RGMA: variants seen among roughly 807,000 people sequenced by gnomAD.
RGMA encodes repulsive guidance molecule A.
In RGMA, 10 loss-of-function variants were observed where a neutral mutation model predicts 23.2. The ratio of observed to expected loss-of-function variants is 0.43; its 90% confidence interval spans 0.27 to 0.73. RGMA has a LOEUF of 0.73. Among genes scored for constraint, RGMA ranks in the 30% least tolerant of loss-of-function variants. The pLI, the probability that RGMA is intolerant of heterozygous loss-of-function variation, is 0.20. For synonymous variants in RGMA, 308 were observed against 279.3 expected (o/e 1.10, Z -1.03); for missense variants, 547 against 630.5 (o/e 0.87, Z 1.42).
intron 2 of RGMA, among the ~76,000 whole-genome samples, chr15:93,061,716 C>T (rs981572229): frequency 2.0e-5 from 3 of 152,206 alleles, no homozygotes; most frequent in African/African-American, 7.2e-5. Context: ...GCGCTTGGAG[C>T]ACCAGCTGCA....
rs2054739106 is a variant in RGMA, at chr15:93,042,636, A to C, written c.*2362T>G. On this transcript the variant is annotated 3_prime_UTR_variant, in exon 4 of 4. Coordinates refer to ENST00000329082, the MANE Select transcript of RGMA (RefSeq NM_020211.3). ...TTCAGGACAATACTAACCTAGGTGC[A>C]CAGGTTGTCCTTCCCGTTGCTAAGG... 1 of 152,270 alleles carries C rather than the reference A, an allele frequency of 6.6e-6. No homozygotes were observed. Among genetic ancestry groups the C allele is most frequent in the Admixed American group, 6.5e-5 (1 of 15,288 alleles). The allele number at this position is 152,270 out of a possible 1,614,324, so 9.4% of individuals were successfully genotyped here. A position where few individuals can be genotyped will look rare whatever the true frequency, so the allele number is the denominator to read the frequency against.
chr15:93,048,635 C>T (rs2054867044), intron 3 of RGMA, among the ~76,000 whole-genome samples: 1 of 152,162 alleles, frequency 6.6e-6, no homozygotes, highest in Non-Finnish European at 1.5e-5. Context: ...GCCTCTCCAT[C>T]CAGCATGGAG....
At chr15:93,049,334 G>A (rs764758780) in intron 3 of RGMA, among the ~76,000 whole-genome samples, 8 of 152,332 alleles carry the variant, frequency 5.3e-5, no homozygotes, top group Non-Finnish European at 8.8e-5. Context: ...ATCATGCAGA[G>A]GGACAGGCTG....
chr15:93,066,384 C>G, intron 2 of RGMA: 1 of 723,270 alleles, frequency 1.4e-6, no homozygotes, highest in Non-Finnish European at 2.6e-6. Flanking sequence ...GTTCGCGTGA[C>G]TCCAGGTGGG....
intron 2 of RGMA, among the ~76,000 whole-genome samples, chr15:93,054,758 C>A (rs1008533856): frequency 2.6e-5 from 4 of 152,144 alleles, no homozygotes; most frequent in African/African-American, 9.7e-5. Context: ...TGGTGAGATG[C>A]CCCCATGTAG....
In RGMA at chr15:93,038,569, GT is replaced by G. The variant is rs1185571787; in HGVS notation, c.*6428del. ...GCCTTAATGAACGAAACTGTTAGTT[GT>G]TTTTTTTTTTTTTTTGAGACGGTGT... On this transcript the variant is annotated 3_prime_UTR_variant, in exon 4 of 4. Coordinates refer to ENST00000329082, the MANE Select transcript of RGMA (RefSeq NM_020211.3). 10,239 of 100,184 alleles carry G rather than the reference GT, an allele frequency of 0.1. 1,301 individuals carry two copies. Among genetic ancestry groups the G allele is most frequent in the African/African-American group, 0.27 (8,487 of 30,864 alleles). 6.2% of individuals were successfully genotyped at this position (100,184 alleles called of 1,614,324 possible). A position where few individuals can be genotyped will look rare whatever the true frequency, so the allele number is the denominator to read the frequency against.
At chr15:93,054,781 A>G (rs1386561215) in intron 2 of RGMA, among the ~76,000 whole-genome samples, 1 of 152,194 alleles carries the variant, frequency 6.6e-6, no homozygotes, top group Non-Finnish European at 1.5e-5. Context: ...TTCCTCCTAC[A>G]CAGGTGTGCT....
chr15:93,066,280 CCTTG>C (rs769069099), intron 2 of RGMA: 39 of 1,040,624 alleles, frequency 3.7e-5, no homozygotes, highest in Non-Finnish European at 5.7e-5. Flanking sequence ...AAGACATCTT[CCTTG>C]GCGTCATTCC....
chr15:93,075,448 A>G (rs1012542852), intron 1 of RGMA, among the ~76,000 whole-genome samples: 1 of 152,246 alleles, frequency 6.6e-6, no homozygotes, highest in Admixed American at 6.5e-5. Context: ...ATACAGACAC[A>G]TTGGGATATA....
intron 2 of RGMA, chr15:93,066,329 C>T: frequency 1.2e-6 from 1 of 825,498 alleles, no homozygotes; most frequent in Non-Finnish European, 2.1e-6. Context: ...GGACGTTGAA[C>T]CATTTGACAG....
intron 1 of RGMA, among the ~76,000 whole-genome samples, chr15:93,078,525 T>G (rs973933153): frequency 5.9e-5 from 9 of 152,212 alleles, no homozygotes; most frequent in Admixed American, 6.5e-5. Context: ...CGTCCTGGGG[T>G]CTGGTCATCT....
intron 1 of RGMA, among the ~76,000 whole-genome samples, chr15:93,076,225 G>C (rs1217902343): frequency 6.6e-6 from 1 of 152,110 alleles, no homozygotes; most frequent in Non-Finnish European, 1.5e-5. Flanking sequence ...TTCAGCACTG[G>C]CTGTGGAGGC....
rs1433951706 is a variant in RGMA, at chr15:93,042,254, C to T, written c.*2744G>A. ...CTTGGCCACTCTTGGGACTCCTCCC[C>T]TTGCTAGCCTGCAGGTTCACCTCTC... On this transcript the variant is annotated 3_prime_UTR_variant, in exon 4 of 4. Transcript: ENST00000329082. 2 of 152,274 alleles carry T rather than the reference C, an allele frequency of 1.3e-5. No individual in the cohort carries two copies. Among genetic ancestry groups the T allele is most frequent in the Non-Finnish European group, 2.9e-5 (2 of 68,070 alleles). The allele number at this position is 152,274 out of a possible 1,614,324, so 9.4% of individuals were successfully genotyped here.
At chr15:93,079,512 A>C (rs565027415) in intron 1 of RGMA, among the ~76,000 whole-genome samples, 21 of 152,312 alleles carry the variant, frequency 1.4e-4, no homozygotes, top group African/African-American at 5.1e-4. Context: ...TATTCTGCAA[A>C]AGTGGCTATT....
intron 1 of RGMA, among the ~76,000 whole-genome samples, chr15:93,074,920 G>A (rs1033559027): frequency 6.6e-6 from 1 of 152,118 alleles, no homozygotes; most frequent in Non-Finnish European, 1.5e-5. Flanking sequence ...CAATGAGAAG[G>A]GATCACTGGC....
intron 1 of RGMA, among the ~76,000 whole-genome samples, chr15:93,078,745 G>A (rs956268600): frequency 1.3e-5 from 2 of 152,232 alleles, no homozygotes; most frequent in African/African-American, 2.4e-5. Flanking sequence ...GAATACAACT[G>A]CCAGGTTTGG....
chr15:93,045,089 G>A lies in RGMA; in HGVS notation c.1262C>T (p.Pro421Leu). 4 of 1,579,054 alleles carry A rather than the reference G, an allele frequency of 2.5e-6. No homozygotes were observed. Among genetic ancestry groups the A allele is most frequent in the Non-Finnish European group, 3.4e-6 (4 of 1,162,612 alleles). ...GGGCAGCCCCGCAGCCGCCCTGCCT[G>A]GCAGGTCCCGAGTCCTCTCATACAG... ...LHLYERTRDLPGRAAAGLPLA... is the reference protein window; with the variant it reads ...LHLYERTRDLLGRAAAGLPLA... The change falls in exon 4 of 4, where the codon CCA (proline) becomes CTA (leucine). Residue 421 changes from proline to leucine, a missense_variant. Around this residue, in one of 3 missense-constraint regions of RGMA, gnomAD observed 205 missense variants for 204.1 expected, o/e 1.00. Coordinates refer to ENST00000329082, the MANE Select transcript of RGMA (RefSeq NM_020211.3). This position sits in a 1 kb window ranked among gnomAD's most constrained non-coding sequence, Gnocchi z 6.9.
intron 2 of RGMA, 24 bp from the exon 3 acceptor site, chr15:93,052,531 C>A (rs756540089): frequency 2.0e-5 from 31 of 1,537,832 alleles, no homozygotes; most frequent in Non-Finnish European, 2.6e-5. Context: ...AACGAACACA[C>A]CGTCGGGGTG....
intron 3 of RGMA, among the ~76,000 whole-genome samples, chr15:93,051,283 C>T (rs1045058808): frequency 2.6e-5 from 4 of 152,184 alleles, no homozygotes; most frequent in East Asian, 1.9e-4. Context: ...GCCCGACACA[C>T]GGCCTTCCAA....
Sources: allele counts gnomAD v4.1 joint callset (sites outside exome capture counted in the v4.1 genomes callset), GRCh38; gene constraint gnomAD v4.1.1; regional missense constraint gnomAD v4.1.1; non-coding constraint Gnocchi (gnomAD v3.1); transcripts MANE v1.5; gene names NCBI Gene and HGNC (gene_info 2026-07-23, HGNC 2026-07-21).